The following SGK3 variants were observed in gnomAD, a reference collection of about 807,000 sequenced individuals.
SGK3 encodes serine/threonine-protein kinase Sgk3.
SGK3 carries 47 observed loss-of-function variants against 68.5 expected under a neutral mutation model. The observed-to-expected ratio is 0.69, with a 90% CI of 0.54 to 0.87. The LOEUF (loss-of-function observed/expected upper bound fraction) is 0.87, where lower values mean the gene tolerates loss of function less well. Among genes scored for constraint, SGK3 ranks in the 40% least tolerant of loss-of-function variants. SGK3 has a pLI of 0.00. For missense variants in SGK3, 479 were observed against 575.5 expected (o/e 0.83, Z 1.72); for synonymous variants, 181 against 189.1 (o/e 0.96, Z 0.35).
chr8:66,796,321 ATTTTTTTTTTTTTTT>A (rs71249408), intron 2 of SGK3, among the ~76,000 whole-genome samples: 11 of 41,362 alleles, frequency 2.7e-4, no homozygotes, highest in East Asian at 1.1e-3. Context: ...TATTTTTTGT[ATTTTTTTTTTTTTTT>A]TTTTTTTTTT....
intron 1 of SGK3, among the ~76,000 whole-genome samples, chr8:66,720,794 T>A (rs7002183): frequency 0.77 from 114,762 of 149,758 alleles, 45,022 homozygotes; most frequent in East Asian, 0.97. Context: ...TATATATATA[T>A]AATTAGCCAG....
At chr8:66,772,383 C>G (rs1563619103) in intron 1 of SGK3, among the ~76,000 whole-genome samples, 2 of 148,422 alleles carry the variant, frequency 1.3e-5, no homozygotes, top group African/African-American at 5.1e-5. Context: ...CCACTGTGCC[C>G]AGCAAGATAA....
intron 14 of SGK3, among the ~76,000 whole-genome samples, chr8:66,845,734 T>TTATA (rs1204558331): frequency 1.4e-5 from 2 of 148,046 alleles, no homozygotes; most frequent in African/African-American, 5.1e-5. Context: ...ATTTATTTAT[T>TTATA]TATAGTAGAG....
rs574027510 is a variant in SGK3 at position 66,806,946 on chromosome 8, C to T, written c.253+2499C>T. ...TGGAGCACAGGTTGAAAAGCATCTT[C>T]ATGGGTAGCGTGTGGGCCTTAGTGG... On this transcript the variant is annotated intron_variant, in intron 4 of 16. Coordinates refer to ENST00000521198, the MANE Select transcript of SGK3 (RefSeq NM_001033578.3). Among the ~76,000 whole-genome samples the T allele has an allele frequency of 2.0e-5, 3 of 152,184 alleles. No homozygotes were observed. The South Asian group carries it at 6.2e-4, about 32-fold the overall frequency.
rs547308147 is a variant in SGK3, at chr8:66,732,081, G to A, written c.-122+19248G>A. 1.1e-4 allele frequency among the ~76,000 whole-genome samples: 16 copies of A among 152,232 alleles called. No individual in the cohort carries two copies. The South Asian group carries it at 1.9e-3, about 18-fold the overall frequency. ...GTGACAGAATGTGCTCCATCTTCAC[G>A]ACAATTAGAAAAGGTAAACAGTTAA... On this transcript the variant is annotated intron_variant, in intron 1 of 16. Transcript: ENST00000521198.
intron 6 of SGK3, among the ~76,000 whole-genome samples, chr8:66,823,281 A>G (rs1808919755): frequency 6.6e-6 from 1 of 152,178 alleles, no homozygotes; most frequent in African/African-American, 2.4e-5. Context: ...AGGATTTTAT[A>G]TACAGAACAG....
chr8:66,731,669 G>T (rs1446212596), intron 1 of SGK3, among the ~76,000 whole-genome samples: 1 of 152,010 alleles, frequency 6.6e-6, no homozygotes, highest in Admixed American at 6.6e-5. Flanking sequence ...CGAGTAGCTG[G>T]GACTACAGGC....
At chr8:66,810,431 T>C (rs1808338407) in intron 4 of SGK3, among the ~76,000 whole-genome samples, 1 of 152,238 alleles carries the variant, frequency 6.6e-6, no homozygotes, top group Non-Finnish European at 1.5e-5. Flanking sequence ...CTGGGAGCGG[T>C]GGCTCACGCC....
intron 6 of SGK3, among the ~76,000 whole-genome samples, 184 bp downstream of exon 6, chr8:66,822,643 G>C (rs1218950565): frequency 2.0e-5 from 3 of 151,788 alleles, no homozygotes; most frequent in African/African-American, 7.3e-5. Context: ...TTTTGAGATG[G>C]AGTCTCACTC....
At chr8:66,807,715 G>A (rs1374987114) in intron 4 of SGK3, among the ~76,000 whole-genome samples, 1 of 152,152 alleles carries the variant, frequency 6.6e-6, no homozygotes, top group East Asian at 1.9e-4. Context: ...ATGTTGAGGG[G>A]AGTTTGGTAG....
At chr8:66,741,766 G>C (rs1450388403) in intron 1 of SGK3, among the ~76,000 whole-genome samples, 2 of 152,192 alleles carry the variant, frequency 1.3e-5, no homozygotes, top group African/African-American at 4.8e-5. Flanking sequence ...CAAAAGCTTT[G>C]TATTCACCAA....
At position 66,767,514 on chromosome 8, in the gene SGK3, A is replaced by AG. The variant is rs555538475; in HGVS notation, c.-121-26096dup. 587 of 1,511,730 alleles carry AG rather than the reference A, an allele frequency of 3.9e-4. 6 individuals carry two copies. In the South Asian group the frequency reaches 6.1e-3, roughly 16 times the overall value. 93.6% of individuals were successfully genotyped at this position (1,511,730 alleles called of 1,614,324 possible). A position where few individuals can be genotyped will look rare whatever the true frequency, so the allele number is the denominator to read the frequency against. ...GTGGAGAGGGCATCTTCAAAGGTGA[A>AG]GGGGGGCCCAGCTGAAACAGCTTTT... On this transcript the variant is annotated intron_variant, in intron 1 of 16. Coordinates refer to ENST00000521198, the MANE Select transcript of SGK3 (RefSeq NM_001033578.3).
chr8:66,735,732 T>C (rs748102108), intron 1 of SGK3, among the ~76,000 whole-genome samples: 1 of 152,252 alleles, frequency 6.6e-6, no homozygotes, highest in Non-Finnish European at 1.5e-5. Flanking sequence ...AGCCATTTTT[T>C]TCAAATGTCA....
chr8:66,769,367 A>T (rs1806428195), intron 1 of SGK3, among the ~76,000 whole-genome samples: 1 of 151,956 alleles, frequency 6.6e-6, no homozygotes, highest in Non-Finnish European at 1.5e-5. Flanking sequence ...GGGACTACAG[A>T]TGTGCGCCAC....
chr8:66,838,039 G>A (rs1307331830), intron 10 of SGK3, among the ~76,000 whole-genome samples: 1 of 152,092 alleles, frequency 6.6e-6, no homozygotes, highest in African/African-American at 2.4e-5. Context: ...ATTTGCCATG[G>A]CATTTATATT....
intron 3 of SGK3, among the ~76,000 whole-genome samples, chr8:66,798,875 T>G (rs762126048): frequency 6.6e-6 from 1 of 152,220 alleles, no homozygotes; most frequent in Non-Finnish European, 1.5e-5. Context: ...CCTTTTAATG[T>G]CATAGAAAAT....
chr8:66,757,286 C>A (rs1245706126), intron 1 of SGK3, among the ~76,000 whole-genome samples: 2 of 152,002 alleles, frequency 1.3e-5, no homozygotes, highest in Non-Finnish European at 2.9e-5. Context: ...CATGTACCAC[C>A]ACACCTAGCT....
intron 1 of SGK3, among the ~76,000 whole-genome samples, chr8:66,745,354 G>A (rs542142918): frequency 4.6e-5 from 7 of 151,922 alleles, no homozygotes; most frequent in Non-Finnish European, 7.4e-5. Context: ...GGTGGATCAC[G>A]AGGTCAGGAG....
intron 3 of SGK3, among the ~76,000 whole-genome samples, chr8:66,802,598 G>T (rs1381110721): frequency 1.3e-5 from 2 of 151,878 alleles, no homozygotes; most frequent in East Asian, 3.9e-4. Context: ...GCTGAGGGGA[G>T]GATCACTTGA....
Sources: gnomAD v4.1 joint callset for allele counts (sites outside exome capture counted in the v4.1 genomes callset) on GRCh38, gnomAD v4.1.1 for gene constraint, MANE v1.5 for transcripts, NCBI Gene and HGNC (gene_info 2026-07-23, HGNC 2026-07-21) for gene names.